Variants in RABGAP1L observed in about 807,000 individuals in gnomAD.
RABGAP1L encodes the protein rab GTPase-activating protein 1-like.
Under a neutral mutation model 137.7 loss-of-function variants are expected in RABGAP1L, and 63 were observed. The ratio of observed to expected loss-of-function variants is 0.46; its 90% confidence interval spans 0.37 to 0.56. The LOEUF (loss-of-function observed/expected upper bound fraction) is 0.56. RABGAP1L is among the 20% of genes least tolerant of loss of function. RABGAP1L has a pLI of 0.00. For missense variants in RABGAP1L, 1,095 were observed against 1,244.0 expected (o/e 0.88, Z 1.80); for synonymous variants, 431 against 433.7 (o/e 0.99, Z 0.08).
intron 13 of RABGAP1L, among the ~76,000 whole-genome samples, chr1:174,440,346 T>C (rs1054274252): frequency 6.6e-6 from 1 of 152,170 alleles, no homozygotes; most frequent in Non-Finnish European, 1.5e-5. Flanking sequence ...TTGTGAATAA[T>C]GGATTGAAGA....
At position 174,917,758 on chromosome 1, in the gene RABGAP1L, C is replaced by T. The variant is rs543249950; in HGVS notation, c.2341-39699C>T. 2.0e-5 allele frequency among the ~76,000 whole-genome samples: 3 copies of T among 152,106 alleles called. 1 individual carries two copies. The highest frequency in any genetic ancestry group is 7.2e-5 in the African/African-American group (3 of 41,490). On this transcript the variant is annotated intron_variant, in intron 19 of 25. Transcript: ENST00000681986. The stretch of plus-strand genomic sequence containing the variant: ...GACCAGCCTGGCCAACATGACAAAA[C>T]CCCATCTCTACTAAAAATACAAAAA...
intron 13 of RABGAP1L, among the ~76,000 whole-genome samples, chr1:174,424,469 A>C (rs1651719439): frequency 6.6e-6 from 1 of 152,088 alleles, no homozygotes; most frequent in South Asian, 2.1e-4. Flanking sequence ...TATACACTGC[A>C]TTGGCTTTTA....
At chr1:174,788,862 C>T (rs1412483864) in intron 18 of RABGAP1L, among the ~76,000 whole-genome samples, 1 of 152,212 alleles carries the variant, frequency 6.6e-6, no homozygotes, top group East Asian at 1.9e-4. Context: ...CAGGCGTGCA[C>T]CACCACAACT....
chr1:174,686,304 G>GT (rs1193330169), intron 15 of RABGAP1L, among the ~76,000 whole-genome samples: 2 of 152,016 alleles, frequency 1.3e-5, no homozygotes, highest in Admixed American at 1.3e-4. Flanking sequence ...GAGGTTGATG[G>GT]TTTTTTTCCC....
intron 13 of RABGAP1L, among the ~76,000 whole-genome samples, chr1:174,616,602 C>T (rs937241992): frequency 3.3e-5 from 5 of 152,102 alleles, no homozygotes; most frequent in African/African-American, 9.6e-5. Context: ...GCCTAGAGGA[C>T]GAATTGATTA....
At chr1:174,834,690 G>A (rs1692551038) in intron 19 of RABGAP1L, among the ~76,000 whole-genome samples, 1 of 151,282 alleles carries the variant, frequency 6.6e-6, no homozygotes, top group Non-Finnish European at 1.5e-5. Context: ...GCTTGAATGG[G>A]TGGGAGTCAT....
At chr1:174,792,764 T>G (rs1386548812) in intron 18 of RABGAP1L, among the ~76,000 whole-genome samples, 2 of 152,242 alleles carry the variant, frequency 1.3e-5, no homozygotes, top group African/African-American at 2.4e-5. Flanking sequence ...TGGCTTACTA[T>G]GTACAGTATA....
chr1:174,274,229 T>G (rs1270373653), intron 8 of RABGAP1L, among the ~76,000 whole-genome samples: 1 of 152,148 alleles, frequency 6.6e-6, no homozygotes, highest in Non-Finnish European at 1.5e-5. Context: ...GTGATCCTCA[T>G]GACAGGAAAG....
At chr1:174,586,782 G>A (rs1039766195) in intron 13 of RABGAP1L, among the ~76,000 whole-genome samples, 2 of 152,246 alleles carry the variant, frequency 1.3e-5, no homozygotes, top group Admixed American at 1.3e-4. Context: ...TTTTAGTACA[G>A]ACAGGGTTTC....
chr1:174,281,136 C>T (rs1035534203), intron 10 of RABGAP1L, among the ~76,000 whole-genome samples: 5 of 152,092 alleles, frequency 3.3e-5, no homozygotes, highest in African/African-American at 1.2e-4. Flanking sequence ...TGAGCAACAG[C>T]AAGATTTACT....
chr1:174,410,130 A>T (rs1458351709), intron 13 of RABGAP1L, among the ~76,000 whole-genome samples: 2 of 152,168 alleles, frequency 1.3e-5, no homozygotes, highest in Non-Finnish European at 2.9e-5. Flanking sequence ...CCAGGTGGGC[A>T]TCACGGTCCT....
chr1:174,707,291 A>G (rs1457963615), intron 17 of RABGAP1L, among the ~76,000 whole-genome samples: 2 of 151,848 alleles, frequency 1.3e-5, no homozygotes, highest in African/African-American at 4.8e-5. Context: ...GAGTCCATGA[A>G]TACGCAACAA....
intron 13 of RABGAP1L, among the ~76,000 whole-genome samples, chr1:174,619,394 G>C (rs1264194747): frequency 6.6e-6 from 1 of 152,212 alleles, no homozygotes; most frequent in Non-Finnish European, 1.5e-5. Flanking sequence ...AGAGAGGAAG[G>C]TTGGGTTACC....
chr1:174,820,526 G>A (rs1458203782), intron 19 of RABGAP1L, among the ~76,000 whole-genome samples: 1 of 152,080 alleles, frequency 6.6e-6, no homozygotes, highest in African/African-American at 2.4e-5. Context: ...GATGGGAAAT[G>A]GAGTCTAATT....
intron 18 of RABGAP1L, among the ~76,000 whole-genome samples, chr1:174,787,930 G>A (rs1687579573): frequency 6.6e-6 from 1 of 152,144 alleles, no homozygotes; most frequent in Admixed American, 6.5e-5. Context: ...AACGAATAGT[G>A]AGTCATTACT....
chr1:174,237,765 C>T (rs1225039494), intron 4 of RABGAP1L, among the ~76,000 whole-genome samples: 8 of 137,114 alleles, frequency 5.8e-5, no homozygotes, highest in South Asian at 2.5e-4. Context: ...TTGCTCTTCT[C>T]GAGGAGTATC....
chr1:174,573,314 T>G (rs1240148609), intron 13 of RABGAP1L, among the ~76,000 whole-genome samples: 1 of 151,248 alleles, frequency 6.6e-6, no homozygotes, highest in Non-Finnish European at 1.5e-5. Flanking sequence ...TATATATAAT[T>G]TGTGTGTGTG....
At chr1:174,679,140 G>A (rs1292247771) in intron 14 of RABGAP1L, among the ~76,000 whole-genome samples, 1 of 152,168 alleles carries the variant, frequency 6.6e-6, no homozygotes, top group Non-Finnish European at 1.5e-5. Context: ...TCAGGCGATA[G>A]ATGATTGGCT....
intron 13 of RABGAP1L, chr1:174,548,145 G>C: frequency 6.7e-7 from 1 of 1,495,148 alleles, no homozygotes; most frequent in Non-Finnish European, 8.9e-7. Context: ...CATTTCCCAG[G>C]TTGATGTTAC....
Sources: allele counts gnomAD v4.1 joint callset (sites outside exome capture counted in the v4.1 genomes callset), GRCh38; gene constraint gnomAD v4.1.1; transcripts MANE v1.5; gene names NCBI Gene and HGNC (gene_info 2026-07-23, HGNC 2026-07-21).